The following DNM3 variants were observed in gnomAD, a reference collection of about 807,000 sequenced individuals.
The protein encoded by DNM3 is dynamin 3.
A neutral mutation model predicts 101.6 loss-of-function variants in DNM3; 47 were observed. The ratio of observed to expected loss-of-function variants is 0.46; its 90% CI spans 0.37 to 0.59. The LOEUF (loss-of-function observed/expected upper bound fraction) is 0.59, where lower values mean the gene tolerates loss of function less well. DNM3 is among the 20% of genes least tolerant of loss of function. DNM3 has a pLI of 0.00. For synonymous variants in DNM3, 385 were observed against 387.9 expected (o/e 0.99, Z 0.09); for missense variants, 849 against 1,085.7 (o/e 0.78, Z 3.06).
At chr1:172,167,996 A>T (rs1487707038) in intron 14 of DNM3, among the ~76,000 whole-genome samples, 2 of 152,022 alleles carry the variant, frequency 1.3e-5, no homozygotes, top group Non-Finnish European at 2.9e-5. Flanking sequence ...TTCTTCAGAT[A>T]AAAGACTACA....
intron 2 of DNM3, among the ~76,000 whole-genome samples, chr1:171,929,950 A>G (rs2040869117): frequency 6.6e-6 from 1 of 152,164 alleles, no homozygotes. Flanking sequence ...AATAGCAAAG[A>G]TGGTGGCCCA....
intron 16 of DNM3, among the ~76,000 whole-genome samples, chr1:172,316,897 C>T (rs1345801938): frequency 1.3e-5 from 2 of 152,212 alleles, no homozygotes; most frequent in East Asian, 3.8e-4. Context: ...ACCTAATAGA[C>T]ATCTACAGAA....
chr1:172,195,509 T>C (rs1308626789), intron 14 of DNM3, among the ~76,000 whole-genome samples: 2 of 151,902 alleles, frequency 1.3e-5, no homozygotes, highest in Non-Finnish European at 2.9e-5. Context: ...CCTCATCTCA[T>C]GGTACAGCAT....
chr1:172,415,531 T>TTTG (rs199988197), downstream of DNM3, among the ~76,000 whole-genome samples: 1 of 111,794 alleles, frequency 8.9e-6, no homozygotes, highest in Admixed American at 9.9e-5. Flanking sequence ...TGAGTTTTTT[T>TTTG]TTTTTTTTTT....
intron 1 of DNM3, among the ~76,000 whole-genome samples, chr1:171,884,253 G>T (rs1213924135): frequency 1.3e-5 from 2 of 152,182 alleles, no homozygotes; most frequent in South Asian, 2.1e-4. Context: ...AAAAGGAAAG[G>T]TTGGTTAAGT....
At chr1:172,121,462 C>A (rs2056316086) in intron 13 of DNM3, among the ~76,000 whole-genome samples, 1 of 152,174 alleles carries the variant, frequency 6.6e-6, no homozygotes, top group African/African-American at 2.4e-5. Flanking sequence ...GCCACAGAGG[C>A]ATAAAAAATG....
intron 6 of DNM3, 141 bp downstream of exon 6, chr1:172,033,406 A>C: frequency 1.1e-6 from 1 of 943,238 alleles, no homozygotes; most frequent in Non-Finnish European, 1.5e-6. Context: ...AAAAATGAAT[A>C]TTAGTACCTC....
At chr1:172,139,721 T>C (rs966924812) in intron 14 of DNM3, 3 of 152,092 alleles carry the variant, frequency 2.0e-5, no homozygotes, top group African/African-American at 7.2e-5. Context: ...GCAATATAGT[T>C]ACAAAATAGT....
intron 9 of DNM3, among the ~76,000 whole-genome samples, chr1:172,045,864 T>C (rs187228481): frequency 1.3e-5 from 2 of 152,352 alleles, no homozygotes; most frequent in East Asian, 1.9e-4. Context: ...AAGGCAAAGC[T>C]TGACACTGAG....
At chr1:172,039,025 G>C (rs144183936) in intron 7 of DNM3, among the ~76,000 whole-genome samples, 4 of 151,514 alleles carry the variant, frequency 2.6e-5, no homozygotes, top group African/African-American at 9.7e-5. Context: ...ACCCCTTCAT[G>C]ATCTTCCCAT....
chr1:172,376,150 T>C (rs1269774790), intron 17 of DNM3: 2 of 152,130 alleles, frequency 1.3e-5, no homozygotes, highest in Non-Finnish European at 2.9e-5. Context: ...CTGGTGTTTT[T>C]ATTGGTTAAA....
chr1:171,892,991 G>T (rs2037432476), intron 1 of DNM3, among the ~76,000 whole-genome samples: 1 of 150,852 alleles, frequency 6.6e-6, no homozygotes. Flanking sequence ...GATAGGTGTT[G>T]GTCTGTGGCG....
At chr1:172,015,673 T>G (rs1320665253) in intron 4 of DNM3, among the ~76,000 whole-genome samples, 1 of 152,208 alleles carries the variant, frequency 6.6e-6, no homozygotes, top group African/African-American at 2.4e-5. Context: ...TTTTTGTCAA[T>G]ACTTTTGGAT....
chr1:172,211,894 G>GTGAC (rs1354189399), intron 14 of DNM3, among the ~76,000 whole-genome samples: 1 of 152,136 alleles, frequency 6.6e-6, no homozygotes, highest in African/African-American at 2.4e-5. Context: ...TTTTGTGAGT[G>GTGAC]TGTCTGTCTG....
Position 171,937,836 on chromosome 1 carries a change from C to T in DNM3, c.235+16015C>T, listed in dbSNP as rs183983828. Among the ~76,000 whole-genome samples, 301 of 152,262 alleles carry T rather than the reference C, an allele frequency of 2.0e-3. 1 individual carries two copies. The highest frequency in any genetic ancestry group is 3.7e-3 in the Non-Finnish European group (251 of 68,014). On this transcript the variant is annotated intron_variant, in intron 2 of 20. Coordinates refer to ENST00000627582, the MANE Select transcript of DNM3 (RefSeq NM_015569.5). ...TCCTCCTGCTTCAATCCCAGCAAGC[C>T]TCCTAAAGTGCTTTTGGATTACAGG...
intron 17 of DNM3, among the ~76,000 whole-genome samples, chr1:172,354,635 A>G (rs2067360991): frequency 6.6e-6 from 1 of 152,120 alleles, no homozygotes; most frequent in African/African-American, 2.4e-5. Context: ...AATATCTAGG[A>G]ATATTAAGGA....
chr1:172,175,096 G>A (rs939875244), intron 14 of DNM3, among the ~76,000 whole-genome samples: 7 of 151,548 alleles, frequency 4.6e-5, no homozygotes, highest in African/African-American at 1.7e-4. Context: ...CAATCTAATG[G>A]CCATATACCC....
intron 14 of DNM3, among the ~76,000 whole-genome samples, chr1:172,141,625 G>A (rs12047492): frequency 0.34 from 51,730 of 151,854 alleles, 11,871 homozygotes; most frequent in East Asian, 0.65. Context: ...GAATTCTTTC[G>A]TTAGGATTTT....
intron 1 of DNM3, among the ~76,000 whole-genome samples, chr1:171,865,472 T>C (rs374580479): frequency 1.3e-4 from 17 of 131,910 alleles, no homozygotes; most frequent in African/African-American, 4.1e-4. Context: ...GCCATGATCC[T>C]GCCACTGCAC....
Sources: allele counts gnomAD v4.1 joint callset (sites outside exome capture counted in the v4.1 genomes callset), GRCh38; gene constraint gnomAD v4.1.1; transcripts MANE v1.5; gene names NCBI Gene and HGNC (gene_info 2026-07-23, HGNC 2026-07-21).